NALCN: variants seen among roughly 807,000 people sequenced by gnomAD.
The protein encoded by NALCN is sodium leak channel, non-selective.
In NALCN, 111 loss-of-function variants were observed where a neutral mutation model predicts 225.3. The ratio of observed to expected loss-of-function variants is 0.49; its 90% confidence interval spans 0.42 to 0.58. The LOEUF (loss-of-function observed/expected upper bound fraction) is 0.58. Ranked by LOEUF, NALCN falls within the 20% of genes least tolerant of loss-of-function variation. The probability of loss-of-function intolerance (pLI) is 0.00; values close to 1 mark genes in which losing one functional copy is unlikely to be tolerated. For missense variants in NALCN, 1,378 were observed against 2,202.4 expected, an observed-to-expected ratio of 0.63 and a Z score of 7.49; for synonymous variants, 764 against 769.0, an observed-to-expected ratio of 0.99 and a Z score of 0.11.
chr13:101,154,409 C>T (rs1026827167), intron 15 of NALCN, among the ~76,000 whole-genome samples: 2 of 152,152 alleles, frequency 1.3e-5, no homozygotes, highest in East Asian at 3.8e-4. Flanking sequence ...GATATTTTCT[C>T]TCGTTTTCCT....
chr13:101,069,239 C>T (rs1416242015), intron 37 of NALCN, among the ~76,000 whole-genome samples: 1 of 152,196 alleles, frequency 6.6e-6, no homozygotes, highest in Admixed American at 6.5e-5. Flanking sequence ...TACAGGTATA[C>T]CTCGGAGACA....
intron 6 of NALCN, among the ~76,000 whole-genome samples, chr13:101,346,652 T>C (rs769655550): frequency 2.0e-5 from 3 of 152,142 alleles, no homozygotes; most frequent in Non-Finnish European, 4.4e-5. Context: ...AACCCATTTT[T>C]ATCCTTCTTA....
chr13:101,389,205 C>A (rs1213083153), intron 3 of NALCN, among the ~76,000 whole-genome samples: 1 of 152,190 alleles, frequency 6.6e-6, no homozygotes, highest in Non-Finnish European at 1.5e-5. Flanking sequence ...GGATGCCCAC[C>A]TCTTCCATAA....
chr13:101,315,792 A>G (rs2044531621), intron 7 of NALCN, among the ~76,000 whole-genome samples: 1 of 151,966 alleles, frequency 6.6e-6, no homozygotes, highest in Non-Finnish European at 1.5e-5. Flanking sequence ...GAAATACCAG[A>G]CTCTTTTACC....
chr13:101,278,880 T>A (rs1411869561), intron 10 of NALCN, among the ~76,000 whole-genome samples: 1 of 152,208 alleles, frequency 6.6e-6, no homozygotes, highest in African/African-American at 2.4e-5. Flanking sequence ...GTCTATTCAA[T>A]TTCTAGTTCT....
rs1164918492 is a variant in NALCN at position 101,292,422 on chromosome 13, C to T, written c.800-56G>A. On this transcript the variant is annotated intron_variant, in intron 7 of 43. Coordinates refer to ENST00000251127, the MANE Select transcript of NALCN (RefSeq NM_052867.4). The surrounding 1 kb of genome is among the most constrained non-coding windows in gnomAD (Gnocchi z 4.3). ...ACAGCTGACTTTTGAAATAAGAAAG[C>T]ATTTTCCAGAAAAACAATCAATATT... 8 of 1,524,252 alleles carry T rather than the reference C, an allele frequency of 5.2e-6. No individual in the cohort carries two copies. The highest frequency in any genetic ancestry group is 1.4e-5 in the African/African-American group (1 of 71,598). The allele number at this position is 1,524,252 out of a possible 1,614,324, so 94.4% of individuals were successfully genotyped here.
At chr13:101,383,630 C>T (rs931596879) in intron 3 of NALCN, among the ~76,000 whole-genome samples, 1 of 152,186 alleles carries the variant, frequency 6.6e-6, no homozygotes, top group African/African-American at 2.4e-5. Flanking sequence ...ATGTATACAG[C>T]AAGATGTCAG....
chr13:101,101,281 CTTTTTTTT>C (rs60948311), intron 26 of NALCN, among the ~76,000 whole-genome samples: 2 of 112,370 alleles, frequency 1.8e-5, no homozygotes, highest in South Asian at 5.7e-4. Context: ...ATTTTTTTTT[CTTTTTTTT>C]TTTTTTTTTG....
At chr13:101,214,473 C>A (rs953456947) in intron 13 of NALCN, among the ~76,000 whole-genome samples, 2 of 151,240 alleles carry the variant, frequency 1.3e-5, no homozygotes, top group African/African-American at 2.5e-5. Context: ...ATCTGAGAGT[C>A]CATGGAGTAC....
chr13:101,286,904 T>A (rs2043359800), intron 9 of NALCN, among the ~76,000 whole-genome samples: 1 of 143,464 alleles, frequency 7.0e-6, no homozygotes, highest in Non-Finnish European at 1.6e-5. Context: ...CACACCTGCA[T>A]CCCACAGACA....
At chr13:101,386,367 C>A (rs2046986516) in intron 3 of NALCN, among the ~76,000 whole-genome samples, 1 of 152,092 alleles carries the variant, frequency 6.6e-6, no homozygotes, top group Admixed American at 6.6e-5. Context: ...AAGTCTGTCC[C>A]ACAGAGTGAA....
intron 17 of NALCN, among the ~76,000 whole-genome samples, chr13:101,127,305 G>A (rs2036282554): frequency 6.6e-6 from 1 of 152,172 alleles, no homozygotes; most frequent in Admixed American, 6.5e-5. Flanking sequence ...AGAGGTAGCA[G>A]GAGAATCAAT....
In NALCN at chr13:101,371,010, T is replaced by C. The variant is rs1594753924; in HGVS notation, c.644+5690A>G. Among the ~76,000 whole-genome samples the C allele has an allele frequency of 2.0e-5, 3 of 152,322 alleles. No homozygotes were observed. The East Asian group carries it at 5.8e-4, about 29-fold the overall frequency. ...TATGTAAATGGAATAATAGAACATG[T>C]CCTCTTTTTAAATCTGGCTTTATTC... On this transcript the variant is annotated intron_variant, in intron 6 of 43. Coordinates refer to ENST00000251127, the MANE Select transcript of NALCN (RefSeq NM_052867.4).
At chr13:101,222,923 G>T (rs1382284838) in intron 13 of NALCN, among the ~76,000 whole-genome samples, 1 of 152,076 alleles carries the variant, frequency 6.6e-6, no homozygotes, top group Non-Finnish European at 1.5e-5. Context: ...TTTCTTTAGG[G>T]AACCATGAGG....
chr13:101,104,572 A>G lies in NALCN; in HGVS notation c.2715T>C (p.Phe905=). The change falls in exon 24 of 44, where the codon TTT becomes TTC. Residue 905 remains phenylalanine (F), a synonymous_variant. Coordinates refer to ENST00000251127, the MANE Select transcript of NALCN (RefSeq NM_052867.4). This position sits in a 1 kb window ranked among gnomAD's most constrained non-coding sequence, Gnocchi z 4.2. ...GCATGACTCTTCGAAACGGGGACTC[A>G]AACATCATGGAAATGCAAGAGCAGA... is the stretch of plus-strand genomic sequence containing the variant. ...VTICSCISMM[F]ESPFRRVMHA... 6.2e-7 allele frequency: 1 copy of G among 1,614,028 alleles called. No individual in the cohort carries two copies. Among genetic ancestry groups the G allele is most frequent in the African/African-American group, 1.3e-5 (1 of 75,036 alleles).
intron 10 of NALCN, among the ~76,000 whole-genome samples, chr13:101,270,171 G>A (rs2042729340): frequency 2.0e-5 from 3 of 152,174 alleles, no homozygotes; most frequent in Admixed American, 6.5e-5. Context: ...AATCTCAACA[G>A]ACTTTGACAA....
intron 13 of NALCN, among the ~76,000 whole-genome samples, chr13:101,209,450 G>T (rs915413911): frequency 6.6e-6 from 1 of 152,230 alleles, no homozygotes; most frequent in South Asian, 2.1e-4. Context: ...GTGTCCTCAT[G>T]ATGAGCCTTT....
chr13:101,228,008 G>A (rs2041211604), intron 13 of NALCN, among the ~76,000 whole-genome samples: 1 of 152,106 alleles, frequency 6.6e-6, no homozygotes, highest in Non-Finnish European at 1.5e-5. Context: ...CCTTGCCTCT[G>A]TGTCCCCAGA....
intron 7 of NALCN, among the ~76,000 whole-genome samples, chr13:101,310,060 G>A (rs190013919): frequency 1.2e-4 from 19 of 152,208 alleles, no homozygotes; most frequent in Non-Finnish European, 2.6e-4. Context: ...ACTATATTCA[G>A]CATCTTCTGT....
Sources: allele counts gnomAD v4.1 joint callset (sites outside exome capture counted in the v4.1 genomes callset), GRCh38; gene constraint gnomAD v4.1.1; non-coding constraint Gnocchi (gnomAD v3.1); transcripts MANE v1.5; gene names NCBI Gene and HGNC (gene_info 2026-07-23, HGNC 2026-07-21).